Variants in NRG4 observed in about 807,000 individuals in gnomAD.
NRG4 encodes the protein pro-neuregulin-4, membrane-bound isoform.
Under a neutral mutation model 15.0 loss-of-function variants are expected in NRG4, and 10 were observed. The observed-to-expected ratio is 0.67, with a 90% CI of 0.41 to 1.13. The LOEUF is 1.13. NRG4 is among the 50% of genes most tolerant of loss of function. The pLI, the probability that NRG4 is intolerant of heterozygous loss-of-function variation, is 0.00. For missense variants in NRG4, 139 were observed against 140.2 expected, an observed-to-expected ratio of 0.99 and a Z score of 0.04; for synonymous variants, 41 against 50.1, an observed-to-expected ratio of 0.82 and a Z score of 0.77.
chr15:76,023,928 G>A (rs2035233833), intron 5 of NRG4, among the ~76,000 whole-genome samples: 1 of 152,196 alleles, frequency 6.6e-6, no homozygotes, highest in Non-Finnish European at 1.5e-5. Flanking sequence ...GAAAGGACTC[G>A]GGGCTACCAA....
chr15:75,997,416 A>C (rs1258814996), intron 3 of NRG4, among the ~76,000 whole-genome samples: 1 of 151,990 alleles, frequency 6.6e-6, no homozygotes, highest in Non-Finnish European at 1.5e-5. Flanking sequence ...TCAAAAATTC[A>C]CTCGAGAAAC....
chr15:76,007,840 G>A (rs770861604), intron 3 of NRG4, among the ~76,000 whole-genome samples: 7 of 152,164 alleles, frequency 4.6e-5, no homozygotes, highest in Non-Finnish European at 7.3e-5. Flanking sequence ...TGAAACTTGT[G>A]AGTTGTATTC....
At chr15:76,016,904 G>A (rs1196181863), upstream of NRG4, among the ~76,000 whole-genome samples, 1 of 151,674 alleles carries the variant, frequency 6.6e-6, no homozygotes, top group East Asian at 1.9e-4. Context: ...CTTTCTTGTT[G>A]ATCTAATATG....
chr15:75,952,097 A>G (rs2031936005), intron 5 of NRG4, among the ~76,000 whole-genome samples: 1 of 152,214 alleles, frequency 6.6e-6, no homozygotes, highest in Admixed American at 6.5e-5. Flanking sequence ...ACAATCACGT[A>G]CCATAAAATT....
At chr15:76,058,831 A>C (rs2036219924) in intron 1 of NRG4, among the ~76,000 whole-genome samples, 1 of 152,230 alleles carries the variant, frequency 6.6e-6, no homozygotes, top group African/African-American at 2.4e-5. Context: ...GCTACTATGA[A>C]TCCAGAAGCT....
intron 5 of NRG4, among the ~76,000 whole-genome samples, chr15:75,953,478 C>T (rs1021795457): frequency 5.3e-5 from 8 of 152,054 alleles, no homozygotes; most frequent in African/African-American, 1.9e-4. Context: ...TCATCTTTTC[C>T]AAGATTGATT....
At chr15:75,935,909 TC>T (rs2030294440), downstream of NRG4, 1 of 152,042 alleles carries the variant, frequency 6.6e-6, no homozygotes, top group Non-Finnish European at 1.5e-5. Flanking sequence ...TGCCTCAGCC[TC>T]CCGAGTAGCT....
In NRG4 at chr15:75,943,528, C is replaced by G. The variant is rs1381385586; in HGVS notation, c.*110G>C. 4.2e-6 allele frequency: 3 copies of G among 709,538 alleles called. No individual in the cohort carries two copies. Among genetic ancestry groups the G allele is most frequent in the African/African-American group, 3.6e-5 (2 of 55,770 alleles). 44.0% of individuals were successfully genotyped at this position (709,538 alleles called of 1,614,324 possible). A position where few individuals can be genotyped will look rare whatever the true frequency, so the allele number is the denominator to read the frequency against. ...TGGTTCATGATACGAGTTACACAAG[C>G]GTTTTATTTAAGAAATAAAGGATTA... On this transcript the variant is annotated 3_prime_UTR_variant, in exon 6 of 6. Transcript: ENST00000394907.
At chr15:76,010,368 T>C (rs990993902) in intron 2 of NRG4, among the ~76,000 whole-genome samples, 2 of 152,118 alleles carry the variant, frequency 1.3e-5, no homozygotes, top group Non-Finnish European at 2.9e-5. Context: ...CAATTTGACA[T>C]TAAAATTAGT....
intron 2 of NRG4, chr15:76,053,380 A>C (rs1171810696): frequency 6.6e-6 from 1 of 150,792 alleles, no homozygotes; most frequent in Non-Finnish European, 1.5e-5. Context: ...CTGTAAAATG[A>C]CATTAATAAC....
At chr15:76,041,597 TATA>T (rs1381800404) in intron 4 of NRG4, among the ~76,000 whole-genome samples, 9 of 152,126 alleles carry the variant, frequency 5.9e-5, no homozygotes, top group African/African-American at 2.2e-4. Flanking sequence ...AAGGTCATTA[TATA>T]ATAATGAAGG....
chr15:75,994,164 T>C (rs925299674), intron 3 of NRG4, among the ~76,000 whole-genome samples: 2 of 152,226 alleles, frequency 1.3e-5, no homozygotes, highest in African/African-American at 4.8e-5. Context: ...TAATTTGGCT[T>C]AACTGAAACT....
At chr15:75,967,510 G>A (rs1567081312) in intron 3 of NRG4, among the ~76,000 whole-genome samples, 1 of 131,536 alleles carries the variant, frequency 7.6e-6, no homozygotes, top group African/African-American at 2.8e-5. Context: ...TGCTCAGGCT[G>A]GAGTGGAATG....
At chr15:75,989,388 G>C (rs2033923047) in intron 3 of NRG4, among the ~76,000 whole-genome samples, 1 of 151,962 alleles carries the variant, frequency 6.6e-6, no homozygotes, top group South Asian at 2.1e-4. Context: ...AAAAGTCTTA[G>C]AATATGTAAG....
At chr15:75,969,446 G>A (rs1356614420) in intron 3 of NRG4, among the ~76,000 whole-genome samples, 1 of 152,308 alleles carries the variant, frequency 6.6e-6, no homozygotes, top group East Asian at 1.9e-4. Context: ...GCAATAAGAA[G>A]AAAATGAAAA....
At chr15:76,021,842 G>A (rs1428459625) in intron 5 of NRG4, among the ~76,000 whole-genome samples, 1 of 152,178 alleles carries the variant, frequency 6.6e-6, no homozygotes, top group East Asian at 1.9e-4. Flanking sequence ...TTTTCACTAA[G>A]TCAGTGGTCC....
intron 3 of NRG4, among the ~76,000 whole-genome samples, chr15:75,968,101 C>T (rs1310400656): frequency 6.6e-6 from 1 of 152,168 alleles, no homozygotes; most frequent in African/African-American, 2.4e-5. Context: ...TAGTCTTTTC[C>T]AATGGAGACT....
At chr15:75,939,570 C>T (rs1009042502), downstream of NRG4, 10 of 152,094 alleles carry the variant, frequency 6.6e-5, no homozygotes, top group African/African-American at 2.4e-4. Flanking sequence ...GATGCTGAAG[C>T]CAGACAAAGA....
chr15:75,953,966 C>T (rs12915012), intron 5 of NRG4, among the ~76,000 whole-genome samples: 17,845 of 152,106 alleles, frequency 0.12, 1,468 homozygotes, highest in Admixed American at 0.26. Context: ...GGATTACAGG[C>T]GTGAGCCAGA....
Sources: allele counts gnomAD v4.1 joint callset (sites outside exome capture counted in the v4.1 genomes callset), GRCh38; gene constraint gnomAD v4.1.1; transcripts MANE v1.5; gene names NCBI Gene and HGNC (gene_info 2026-07-23, HGNC 2026-07-21).